Variants in PPP1R9A observed in about 807,000 individuals in gnomAD.
The protein encoded by PPP1R9A is protein phosphatase 1 regulatory subunit 9A.
Under a neutral mutation model 141.9 loss-of-function variants are expected in PPP1R9A, and 59 were observed. That is an observed-to-expected ratio of 0.42 (90% CI 0.34 to 0.52). The LOEUF is 0.52. PPP1R9A is among the 20% of genes least tolerant of loss of function. PPP1R9A has a pLI of 0.10. For missense variants in PPP1R9A, 1,444 were observed against 1,611.9 expected (o/e 0.90, Z 1.78); for synonymous variants, 500 against 569.7 (o/e 0.88, Z 1.74).
At chr7:95,143,730 TC>T (rs1223503914) in intron 4 of PPP1R9A, among the ~76,000 whole-genome samples, 1 of 152,184 alleles carries the variant, frequency 6.6e-6, no homozygotes, top group Non-Finnish European at 1.5e-5. Context: ...GGCTGGTACT[TC>T]CTGGGCATTA....
chr7:95,213,679 T>G (rs1792634620), intron 7 of PPP1R9A, among the ~76,000 whole-genome samples: 1 of 152,142 alleles, frequency 6.6e-6, no homozygotes, highest in African/African-American at 2.4e-5. Context: ...TTCCATGGAT[T>G]TGAACTCTGT....
intron 2 of PPP1R9A, among the ~76,000 whole-genome samples, chr7:95,042,088 GTC>G (rs1309432650): frequency 1.3e-5 from 2 of 152,162 alleles, no homozygotes; most frequent in African/African-American, 2.4e-5. Flanking sequence ...GGAAGGTGAT[GTC>G]AGGGAAGGCA....
At chr7:94,969,197 T>C (rs897915495) in intron 2 of PPP1R9A, among the ~76,000 whole-genome samples, 29 of 152,114 alleles carry the variant, frequency 1.9e-4, no homozygotes, top group African/African-American at 6.8e-4. Flanking sequence ...GGCAAAGAGT[T>C]GTGATGATCC....
At chr7:94,937,881 A>C (rs1365715255) in intron 2 of PPP1R9A, among the ~76,000 whole-genome samples, 2 of 152,184 alleles carry the variant, frequency 1.3e-5, no homozygotes, top group African/African-American at 4.8e-5. Context: ...GGAAAGGCTA[A>C]TGGAGGTCTT....
At chr7:95,157,674 G>A (rs1829853904) in intron 4 of PPP1R9A, among the ~76,000 whole-genome samples, 2 of 152,212 alleles carry the variant, frequency 1.3e-5, no homozygotes, top group South Asian at 2.1e-4. Context: ...AATCAAATAA[G>A]TAAATTTCCC....
At chr7:94,977,091 T>G (rs549538216) in intron 2 of PPP1R9A, among the ~76,000 whole-genome samples, 1 of 152,246 alleles carries the variant, frequency 6.6e-6, no homozygotes, top group African/African-American at 2.4e-5. Context: ...TGGGGAAGAC[T>G]GAAGGATATG....
chr7:95,010,477 A>T (rs1338781138), intron 2 of PPP1R9A, among the ~76,000 whole-genome samples: 2 of 152,126 alleles, frequency 1.3e-5, no homozygotes, highest in Admixed American at 1.3e-4. Flanking sequence ...ATTTTTCTTT[A>T]CAAGTTTGAT....
intron 7 of PPP1R9A, among the ~76,000 whole-genome samples, chr7:95,223,967 G>T (rs533281318): frequency 6.6e-6 from 1 of 151,744 alleles, no homozygotes; most frequent in Admixed American, 6.6e-5. Context: ...CTAGAAATGG[G>T]TATGAACAGG....
chr7:95,071,863 C>T (rs996139713), intron 2 of PPP1R9A, among the ~76,000 whole-genome samples: 4 of 151,812 alleles, frequency 2.6e-5, no homozygotes, highest in Non-Finnish European at 4.4e-5. Context: ...ATTGGATTTC[C>T]AGGCTATTTC....
chr7:95,215,983 C>T (rs1321456331), intron 7 of PPP1R9A, among the ~76,000 whole-genome samples: 2 of 152,118 alleles, frequency 1.3e-5, no homozygotes, highest in African/African-American at 4.8e-5. Context: ...TTAATTAGAT[C>T]CCATTTGTCA....
chr7:95,050,290 G>A (rs6965688), intron 2 of PPP1R9A, among the ~76,000 whole-genome samples: 59,005 of 151,974 alleles, frequency 0.39, 12,177 homozygotes, highest in Non-Finnish European at 0.44. Flanking sequence ...TTCATTGGTG[G>A]GATATATCTG....
intron 7 of PPP1R9A, among the ~76,000 whole-genome samples, chr7:95,216,833 GC>G (rs1793519606): frequency 6.6e-6 from 1 of 152,204 alleles, no homozygotes; most frequent in Non-Finnish European, 1.5e-5. Context: ...CTGAGACTTT[GC>G]TGAAGTTGTT....
chr7:95,225,836 A>G, intron 7 of PPP1R9A, 125 bp from the exon 8 acceptor site: 1 of 1,022,700 alleles, frequency 9.8e-7, no homozygotes, highest in South Asian at 1.9e-5. Context: ...TGCTTGGCTG[A>G]AAAACCTACT....
In PPP1R9A at chr7:94,910,061, TG is replaced by T. The variant is rs1791282712; in HGVS notation, c.-51del. ...TAGAGAAGAGAGGTATCTTGGTTTT[TG>T]GTTTTTTTCTTTGATCATTATGAAC... On this transcript the variant is annotated 5_prime_UTR_variant, in exon 2 of 20. Coordinates refer to ENST00000433360, the MANE Select transcript of PPP1R9A (RefSeq NM_001166160.2). This position sits in a 1 kb window ranked among gnomAD's most constrained non-coding sequence, Gnocchi z 4.5. The T allele has an allele frequency of 2.0e-6, 3 of 1,504,984 alleles. No individual in the cohort carries two copies. Among genetic ancestry groups the T allele is most frequent in the Admixed American group, 4.2e-5 (2 of 47,440 alleles). 93.2% of individuals were successfully genotyped at this position (1,504,984 alleles called of 1,614,324 possible).
At chr7:94,915,504 C>G (rs1459023200) in intron 2 of PPP1R9A, among the ~76,000 whole-genome samples, 1 of 152,116 alleles carries the variant, frequency 6.6e-6, no homozygotes, top group Non-Finnish European at 1.5e-5. Flanking sequence ...AATGGTTGAG[C>G]TACAAGTACA....
chr7:95,271,092 G>A (rs1190418674), intron 14 of PPP1R9A, among the ~76,000 whole-genome samples: 2 of 152,144 alleles, frequency 1.3e-5, no homozygotes, highest in Non-Finnish European at 2.9e-5. Context: ...CATTAACAGA[G>A]ACAGGCACAT....
At chr7:95,120,659 A>ACTAGT in intron 3 of PPP1R9A, 53 bp from the exon 4 acceptor site, 1 of 1,585,052 alleles carries the variant, frequency 6.3e-7, no homozygotes, top group South Asian at 1.2e-5. Flanking sequence ...CTAATTGCAG[A>ACTAGT]CTAGTGTAAA....
intron 10 of PPP1R9A, among the ~76,000 whole-genome samples, chr7:95,250,929 T>C (rs1168936722): frequency 4.6e-5 from 7 of 152,148 alleles, no homozygotes; most frequent in Non-Finnish European, 1.0e-4. Flanking sequence ...CTAGATTTTT[T>C]TCATCAGTTA....
intron 2 of PPP1R9A, among the ~76,000 whole-genome samples, chr7:95,081,137 A>T (rs999215416): frequency 6.6e-6 from 1 of 152,186 alleles, no homozygotes; most frequent in African/African-American, 2.4e-5. Context: ...CTTTCTGCAT[A>T]ATTTAACCAC....
Sources: allele counts gnomAD v4.1 joint callset (sites outside exome capture counted in the v4.1 genomes callset), GRCh38; gene constraint gnomAD v4.1.1; non-coding constraint Gnocchi (gnomAD v3.1); transcripts MANE v1.5; gene names NCBI Gene and HGNC (gene_info 2026-07-23, HGNC 2026-07-21).